The following GABRB1 variants were observed in gnomAD, a reference collection of about 807,000 sequenced individuals.
GABRB1 encodes gamma-aminobutyric acid receptor subunit beta-1.
GABRB1 carries 17 observed loss-of-function variants against 51.6 expected under a neutral mutation model. That is an observed-to-expected ratio of 0.33 (90% CI 0.23 to 0.49). The LOEUF (loss-of-function observed/expected upper bound fraction) is 0.49. Ranked by LOEUF, GABRB1 falls within the 20% of genes least tolerant of loss-of-function variation. The pLI is 0.99. For missense variants in GABRB1, 410 were observed against 600.6 expected (o/e 0.68, Z 3.32); for synonymous variants, 247 against 218.9 (o/e 1.13, Z -1.14).
chr4:47,018,127 C>A (rs1217655749), intron 1 of GABRB1, among the ~76,000 whole-genome samples: 2 of 151,288 alleles, frequency 1.3e-5, no homozygotes, highest in African/African-American at 2.4e-5. Flanking sequence ...CCTCCTCATC[C>A]TCCTCCTCTT....
chr4:47,115,098 C>G (rs769885203), intron 3 of GABRB1, among the ~76,000 whole-genome samples: 14 of 152,106 alleles, frequency 9.2e-5, no homozygotes, highest in Non-Finnish European at 1.9e-4. Context: ...AATGATTACT[C>G]CTTTCTGAAG....
rs924344777 is a variant in GABRB1 at position 47,425,928 on chromosome 4, T to C, written c.1335T>C (p.Asp445=). The C allele has an allele frequency of 6.2e-7, 1 of 1,614,104 alleles. No individual in the cohort carries two copies. Among genetic ancestry groups the C allele is most frequent in the Non-Finnish European group, 8.5e-7 (1 of 1,179,942 alleles). Residue 445 remains aspartate (D), a synonymous_variant, in exon 9 of 9, where the codon GAT becomes GAC. Coordinates refer to ENST00000295454, the MANE Select transcript of GABRB1 (RefSeq NM_000812.4). ...AAGTCAAGATCCCCGACTTGACTGATGTGAATTCCATAGACAAGTGGTCCC... is the reference window on the plus strand; with the variant it reads ...AAGTCAAGATCCCCGACTTGACTGACGTGAATTCCATAGACAAGTGGTCCC... The part of the protein sequence containing the change: ...QLKVKIPDLT[D]VNSIDKWSRM...
chr4:47,192,566 T>C (rs1719480983), intron 4 of GABRB1, among the ~76,000 whole-genome samples: 1 of 152,182 alleles, frequency 6.6e-6, no homozygotes, highest in African/African-American at 2.4e-5. Context: ...TCAAAAAATA[T>C]ATAGTAGTTT....
chr4:47,176,405 T>C (rs1038563081), intron 4 of GABRB1, among the ~76,000 whole-genome samples: 2 of 151,972 alleles, frequency 1.3e-5, no homozygotes, highest in African/African-American at 4.8e-5. Context: ...GTGAAAAAAA[T>C]AGAGTAGTCA....
chr4:47,237,231 A>G (rs1721362181), intron 4 of GABRB1, among the ~76,000 whole-genome samples: 1 of 152,064 alleles, frequency 6.6e-6, no homozygotes, highest in Non-Finnish European at 1.5e-5. Context: ...TGAAACAAAT[A>G]AAACCTTGGT....
chr4:47,220,401 T>G (rs1315492612), intron 4 of GABRB1, among the ~76,000 whole-genome samples: 1 of 151,984 alleles, frequency 6.6e-6, no homozygotes, highest in African/African-American at 2.4e-5. Context: ...TGTACCTATA[T>G]TCCTTATCCT....
intron 5 of GABRB1, among the ~76,000 whole-genome samples, chr4:47,354,773 A>G (rs1411987744): frequency 6.6e-6 from 1 of 151,262 alleles, no homozygotes; most frequent in Non-Finnish European, 1.5e-5. Context: ...CTTTTTTTTT[A>G]AACTGCAAAT....
intron 3 of GABRB1, among the ~76,000 whole-genome samples, chr4:47,091,667 T>C (rs2109586994): frequency 6.6e-6 from 1 of 152,348 alleles, no homozygotes; most frequent in African/African-American, 2.4e-5. Context: ...TCTGCAAATT[T>C]CATCTGCACT....
At chr4:47,218,791 G>C (rs1282082463) in intron 4 of GABRB1, among the ~76,000 whole-genome samples, 4 of 151,750 alleles carry the variant, frequency 2.6e-5, no homozygotes, top group Non-Finnish European at 5.9e-5. Context: ...CAAAGTTCAT[G>C]AGTGATAAAC....
At chr4:47,325,803 T>G (rs1334498810) in intron 5 of GABRB1, among the ~76,000 whole-genome samples, 1 of 152,194 alleles carries the variant, frequency 6.6e-6, no homozygotes, top group Non-Finnish European at 1.5e-5. Context: ...CAGTAGTTAT[T>G]CTCTTTCAAA....
chr4:47,215,393 GT>G (rs1486887227), intron 4 of GABRB1, among the ~76,000 whole-genome samples: 2 of 152,042 alleles, frequency 1.3e-5, no homozygotes, highest in East Asian at 3.9e-4. Context: ...TTATAAAACA[GT>G]AATTCTCAAA....
rs1243091405 is a variant in GABRB1, at chr4:47,425,692, A to G, written c.1099A>G (p.Ile367Val). 2.4e-5 allele frequency: 39 copies of G among 1,605,998 alleles called. No homozygotes were observed. Among genetic ancestry groups the G allele is most frequent in the Non-Finnish European group, 3.2e-5 (38 of 1,175,548 alleles). ...CCATCAGGTCGACGCCCACGGTAAC[A>G]TTCTCCTCAGCACCCTGGAAATCCG... ...NKVQVDAHGN[I>V]LLSTLEIRNE... The change falls in exon 9 of 9, where the codon ATT becomes GTT. Residue 367 changes from isoleucine (I) to valine (V), a missense_variant. Physicochemically the swap from Ile to Val is conservative, Grantham distance 29 (BLOSUM62 3). Coordinates refer to ENST00000295454, the MANE Select transcript of GABRB1 (RefSeq NM_000812.4).
At chr4:47,122,613 A>G (rs1487625907) in intron 3 of GABRB1, among the ~76,000 whole-genome samples, 3 of 62,184 alleles carry the variant, frequency 4.8e-5, no homozygotes, top group African/African-American at 1.8e-4. Flanking sequence ...TGGAACTGAA[A>G]CTCCAGTCTC....
At chr4:47,027,525 T>C (rs976123670), upstream of GABRB1, among the ~76,000 whole-genome samples, 1 of 151,548 alleles carries the variant, frequency 6.6e-6, no homozygotes, top group African/African-American at 2.4e-5. Flanking sequence ...TAGCTGGCTA[T>C]TAATATAACC....
At position 47,354,980 on chromosome 4, in the gene GABRB1, G is replaced by GTT. The variant is rs71195627; in HGVS notation, c.544+34795_544+34796dup. Among the ~76,000 whole-genome samples, 48 of 44,240 alleles carry GTT rather than the reference G, an allele frequency of 1.1e-3. 6 individuals are homozygous for GTT. Among genetic ancestry groups the GTT allele is most frequent in the African/African-American group, 2.7e-3 (28 of 10,208 alleles). 29.0% of individuals were successfully genotyped at this position (44,240 alleles called of 152,430 possible). ...CCTTCCTTTCTTTCTTTCTTCCTTT[G>GTT]TTTTTTTTTTTTTTTTTTTTTTTTT... On this transcript the variant is annotated intron_variant, in intron 5 of 8. Transcript: ENST00000295454.
intron 3 of GABRB1, among the ~76,000 whole-genome samples, chr4:47,068,774 A>G (rs957630833): frequency 4.6e-5 from 7 of 152,206 alleles, no homozygotes; most frequent in African/African-American, 1.4e-4. Context: ...ATATTATGAG[A>G]ATTGCCAGAA....
At chr4:47,272,718 C>T (rs1477410017) in intron 4 of GABRB1, among the ~76,000 whole-genome samples, 7 of 152,176 alleles carry the variant, frequency 4.6e-5, no homozygotes, top group Non-Finnish European at 1.0e-4. Flanking sequence ...TATCCCACTA[C>T]ATCCAAAATA....
At chr4:47,264,540 G>A (rs1560304796) in intron 4 of GABRB1, among the ~76,000 whole-genome samples, 2 of 152,218 alleles carry the variant, frequency 1.3e-5, no homozygotes, top group African/African-American at 4.8e-5. Flanking sequence ...TAAAGAAACT[G>A]AAACGCTTCA....
chr4:47,269,849 T>C (rs752558866), intron 4 of GABRB1, among the ~76,000 whole-genome samples: 56 of 151,856 alleles, frequency 3.7e-4, no homozygotes, highest in Admixed American at 2.2e-3. Flanking sequence ...AGAGCCCACA[T>C]TCTTAATTGT....
Sources: gnomAD v4.1 joint callset for allele counts (sites outside exome capture counted in the v4.1 genomes callset) on GRCh38, gnomAD v4.1.1 for gene constraint, MANE v1.5 for transcripts, NCBI Gene and HGNC (gene_info 2026-07-23, HGNC 2026-07-21) for gene names.